ADGRF4: variants seen among roughly 807,000 people sequenced by gnomAD.
ADGRF4 encodes adhesion G protein-coupled receptor F4, also known as G-protein coupled receptor PGR18.
A neutral mutation model predicts 58.5 loss-of-function variants in ADGRF4; 63 were observed. The ratio of observed to expected loss-of-function variants is 1.08; its 90% CI spans 0.88 to 1.33. The LOEUF is 1.33. ADGRF4 is among the 40% of genes most tolerant of loss of function. The pLI, the probability that ADGRF4 is intolerant of heterozygous loss-of-function variation, is 0.00. For synonymous variants in ADGRF4, 313 were observed against 295.4 expected (o/e 1.06, Z -0.61); for missense variants, 931 against 843.9 (o/e 1.10, Z -1.28).
intron 4 of ADGRF4, 132 bp from the exon 5 acceptor site, chr6:47,712,225 A>G: frequency 1.2e-6 from 1 of 840,472 alleles, no homozygotes; most frequent in Middle Eastern, 3.6e-4. Flanking sequence ...CCCCCTCTGC[A>G]TCAAAACCAC....
rs1216533257 is a variant in ADGRF4, at chr6:47,714,672, T to C, written c.1427T>C (p.Val476Ala). ...KAQDYNMCVA[V>A]TFFSHFFYLS... is the part of the protein sequence containing the mutation. ...CAGGACTACAACATGTGTGTTGCAG[T>C]GACATTTTTCAGCCACTTTTTCTAC... The change falls in exon 6 of 10, where the codon GTG (valine) becomes GCG (alanine). Residue 476 changes from valine to alanine, a missense_variant. Physicochemically the swap from Val to Ala is moderately conservative, Grantham distance 64 (BLOSUM62 0). Transcript: ENST00000283303. 2 of 1,614,056 alleles carry C rather than the reference T, an allele frequency of 1.2e-6. No individual in the cohort carries two copies. Among genetic ancestry groups the C allele is most frequent in the Middle Eastern group, 1.6e-4 (1 of 6,084 alleles).
intron 9 of ADGRF4, among the ~76,000 whole-genome samples, chr6:47,720,870 C>T (rs885595): frequency 0.23 from 34,806 of 152,046 alleles, 4,880 homozygotes; most frequent in East Asian, 0.56. Flanking sequence ...GGAAGCAACA[C>T]GGTTTACAAT....
rs114471615 is a variant in ADGRF4 at position 47,716,837 on chromosome 6, T to C, written c.1964T>C (p.Met655Thr). The C allele has an allele frequency of 1.4e-3, 2,196 of 1,599,502 alleles. 21 individuals are homozygous for C. The highest frequency in any genetic ancestry group is 0.013 in the African/African-American group (1,000 of 74,356). Residue 655 changes from methionine (M) to threonine (T), a missense_variant, in exon 7 of 10, where the codon ATG (methionine) becomes ACG (threonine). Physicochemically the swap from Met to Thr is moderately conservative, Grantham distance 81. Coordinates refer to ENST00000283303, the MANE Select transcript of ADGRF4 (RefSeq NM_153838.5). ...GFFILLFGTI[M>T]DHKIRDALRM... ...TTCATCCTGCTGTTTGGAACCATTATGGATCACAAGGTAATTTGAATTTGC... is the reference window on the plus strand; with the variant it reads ...TTCATCCTGCTGTTTGGAACCATTACGGATCACAAGGTAATTTGAATTTGC...
rs770801614 is a variant in ADGRF4, at chr6:47,714,034, C to A, written c.789C>A (p.Asn263Lys). The A allele has an allele frequency of 5.0e-6, 8 of 1,611,854 alleles. No individual in the cohort carries two copies. Among genetic ancestry groups the A allele is most frequent in the Non-Finnish European group, 6.8e-6 (8 of 1,179,180 alleles). ...GCCTCAATTTCTCCATGAGCATGAA[C>A]AATACCACAGAAGATATCTTAGGAA... ...EKSLNFSMSM[N>K]NTTEDILGMV... The change falls in exon 6 of 10, where the codon AAC becomes AAA. Residue 263 changes from asparagine (N) to lysine (K), a missense_variant. Physicochemically the swap from Asn to Lys is moderately conservative, Grantham distance 94 (BLOSUM62 0). Coordinates refer to ENST00000283303, the MANE Select transcript of ADGRF4 (RefSeq NM_153838.5).
rs114119708 is a variant in ADGRF4 at position 47,702,434 on chromosome 6, T to G, written c.-17+3640T>G. Among the ~76,000 whole-genome samples the G allele has an allele frequency of 4.3e-3, 661 of 152,340 alleles. 3 individuals carry two copies. Among genetic ancestry groups the G allele is most frequent in the African/African-American group, 0.014 (576 of 41,568 alleles). The stretch of plus-strand genomic sequence containing the variant: ...TGTTTGCCTACTAAAAGTAGAGCAG[T>G]CCCACTCCCCGAATTCAAAGAAAAT... On this transcript the variant is annotated intron_variant, in intron 1 of 9. Coordinates refer to ENST00000283303, the MANE Select transcript of ADGRF4 (RefSeq NM_153838.5).
At chr6:47,721,088 G>A (rs888318042) in intron 9 of ADGRF4, 121 bp from the exon 10 acceptor site, 4 of 152,208 alleles carry the variant, frequency 2.6e-5, no homozygotes, top group Admixed American at 2.6e-4. Flanking sequence ...CTTCTGTAAA[G>A]CAGAGTTAAT....
In ADGRF4 at chr6:47,715,121, A is replaced by G. The variant is rs533842409; in HGVS notation, c.1876A>G (p.Ile626Val). 45 of 1,602,844 alleles carry G rather than the reference A, an allele frequency of 2.8e-5. No homozygotes were observed. The South Asian group carries it at 4.3e-4, about 15-fold the overall frequency. Reference protein sequence around the residue: ...LTWGFGIATLIEGTSLTFHII... With the variant: ...LTWGFGIATLVEGTSLTFHII... The stretch of plus-strand genomic sequence containing the variant: ...CTGGGGTTTTGGAATAGCCACTCTC[A>G]TAGAAGGCACTTCCTTGACGTTCCA... Residue 626 changes from isoleucine to valine, a missense_variant, in exon 6 of 10, where the codon ATA becomes GTA. Ile to Val is a conservative substitution (Grantham distance 29). Coordinates refer to ENST00000283303, the MANE Select transcript of ADGRF4 (RefSeq NM_153838.5).
intron 8 of ADGRF4, 44 bp from the exon 9 acceptor site, chr6:47,718,345 A>G (rs1366445987): frequency 9.9e-7 from 1 of 1,013,306 alleles, no homozygotes; most frequent in Non-Finnish European, 1.6e-6. Flanking sequence ...CATTTTGTCA[A>G]TATAATTACT....
At chr6:47,705,887 A>G (rs1455871043) in intron 1 of ADGRF4, among the ~76,000 whole-genome samples, 3 of 152,136 alleles carry the variant, frequency 2.0e-5, no homozygotes, top group African/African-American at 7.2e-5. Context: ...TGTTGGTTTG[A>G]CTTGTCTGTT....
chr6:47,719,629 C>A (rs1216118999), intron 9 of ADGRF4, among the ~76,000 whole-genome samples: 1 of 152,144 alleles, frequency 6.6e-6, no homozygotes, highest in Non-Finnish European at 1.5e-5. Flanking sequence ...TTAGGTTTAT[C>A]AGACTGTCTC....
At chr6:47,705,734 T>C (rs1376238685) in intron 1 of ADGRF4, among the ~76,000 whole-genome samples, 1 of 152,170 alleles carries the variant, frequency 6.6e-6, no homozygotes, top group African/African-American at 2.4e-5. Flanking sequence ...GTCGGCTCCC[T>C]GGTCACTGAT....
In ADGRF4 at chr6:47,714,910, T is replaced by C. The variant is rs1420488512; in HGVS notation, c.1665T>C (p.Asn555=). 5.6e-6 allele frequency: 9 copies of C among 1,613,096 alleles called. No individual in the cohort carries two copies. Among genetic ancestry groups the C allele is most frequent in the East Asian group, 4.5e-5 (2 of 44,858 alleles). ...AGGCCTGTTGGCTTAACTGGGACAA[T>C]ACCAAAGCCCTTTTAGCATTTGCCA... ...RPEACWLNWD[N]TKALLAFAIP... Residue 555 remains asparagine, a synonymous_variant, in exon 6 of 10, where the codon AAT becomes AAC. Transcript: ENST00000283303.
chr6:47,711,219 A>G (rs1284211511), intron 4 of ADGRF4, among the ~76,000 whole-genome samples: 1 of 152,178 alleles, frequency 6.6e-6, no homozygotes. Flanking sequence ...TCTTGTGATA[A>G]TCAGTTAATC....
In ADGRF4 at chr6:47,715,017, G is replaced by A. The variant is rs1223667753; in HGVS notation, c.1772G>A (p.Ser591Asn). ...AVNTQRPSIG[S>N]SKSQDVVIIM... ...AACACTCAGAGGCCCTCTATTGGCA[G>A]TTCCAAGTCTCAGGATGTGGTCATA... The change falls in exon 6 of 10, where the codon AGT becomes AAT. Residue 591 changes from serine to asparagine, a missense_variant. By Grantham distance (46) the Ser-to-Asn change is conservative. Transcript: ENST00000283303. The A allele has an allele frequency of 6.2e-7, 1 of 1,613,346 alleles. No homozygotes were observed. Among genetic ancestry groups the A allele is most frequent in the Non-Finnish European group, 8.5e-7 (1 of 1,179,278 alleles).
chr6:47,707,568 T>C (rs186543949), intron 2 of ADGRF4, among the ~76,000 whole-genome samples: 1 of 152,334 alleles, frequency 6.6e-6, no homozygotes, highest in Admixed American at 6.5e-5. Flanking sequence ...ATGGGAAATG[T>C]AGATAGAATG....
At chr6:47,706,871 GAA>G (rs544731232) in intron 1 of ADGRF4, among the ~76,000 whole-genome samples, 40 of 152,300 alleles carry the variant, frequency 2.6e-4, no homozygotes, top group African/African-American at 9.4e-4. Flanking sequence ...GAATTTATGC[GAA>G]GACAGTGCTT....
intron 1 of ADGRF4, among the ~76,000 whole-genome samples, chr6:47,703,491 GC>G (rs1771636070): frequency 6.6e-6 from 1 of 152,058 alleles, no homozygotes; most frequent in African/African-American, 2.4e-5. Flanking sequence ...ATCAAACTGG[GC>G]TAAAATAAAA....
At chr6:47,721,020 C>A (rs1251973433) in intron 9 of ADGRF4, among the ~76,000 whole-genome samples, 189 bp from the exon 10 acceptor site, 2 of 152,094 alleles carry the variant, frequency 1.3e-5, no homozygotes, top group Non-Finnish European at 2.9e-5. Context: ...CTGGGAGAAT[C>A]GCCTTTTTAC....
At chr6:47,708,340 T>C in intron 3 of ADGRF4, 62 bp downstream of exon 3, 2 of 1,291,582 alleles carry the variant, frequency 1.5e-6, no homozygotes, top group Non-Finnish European at 1.1e-6. Context: ...GGAAGGGCAC[T>C]GATGTTGCAA....
Sources: gnomAD v4.1 joint callset for allele counts (sites outside exome capture counted in the v4.1 genomes callset) on GRCh38, gnomAD v4.1.1 for gene constraint, MANE v1.5 for transcripts, NCBI Gene and HGNC (gene_info 2026-07-23, HGNC 2026-07-21) for gene names.